Variants in THOP1 observed in about 807,000 individuals in gnomAD.
The protein encoded by THOP1 is thimet oligopeptidase 1.
Under a neutral mutation model 71.8 loss-of-function variants are expected in THOP1, and 49 were observed. The ratio of observed to expected loss-of-function variants is 0.68; its 90% CI spans 0.54 to 0.87. The LOEUF is 0.87. Ranked by LOEUF, THOP1 falls within the 40% of genes least tolerant of loss-of-function variation. The probability of loss-of-function intolerance (pLI) is 0.00; values close to 1 mark genes in which losing one functional copy is unlikely to be tolerated. For missense variants in THOP1, 843 were observed against 975.6 expected (o/e 0.86, Z 1.81); for synonymous variants, 426 against 421.5 (o/e 1.01, Z -0.13).
At chr19:2,806,748 C>A in intron 6 of THOP1, 169 bp from the exon 7 acceptor site, 3 of 1,170,732 alleles carry the variant, frequency 2.6e-6, no homozygotes, top group South Asian at 1.5e-5. Flanking sequence ...ATTATGATAA[C>A]GCTGGTGGCA....
Position 2,807,483 on chromosome 19 carries a change from C to T in THOP1, c.928C>T (p.Arg310Cys), listed in dbSNP as rs573052024. 5.0e-6 allele frequency: 8 copies of T among 1,608,732 alleles called. No homozygotes were observed. In the African/African-American group the frequency reaches 6.7e-5, roughly 13 times the overall value. ...QKLKPLGEQE[R>C]AVILELKRAE... ...GCTGAAGCCCCTGGGGGAGCAGGAG[C>T]GTGCGGTGATTCTGGAGCTGAAGCG... The change falls in exon 8 of 13, where the codon CGT (arginine) becomes TGT (cysteine). Residue 310 changes from arginine (R) to cysteine (C), a missense_variant. Physicochemically the swap from Arg to Cys is radical, Grantham distance 180. Transcript: ENST00000307741.
Position 2,813,467 on chromosome 19 carries a change from G to T in THOP1, c.*191G>T. 1.5e-6 allele frequency: 1 copy of T among 663,544 alleles called. No homozygotes were observed. Among genetic ancestry groups the T allele is most frequent in the Non-Finnish European group, 2.4e-6 (1 of 408,668 alleles). 41.1% of individuals were successfully genotyped at this position (663,544 alleles called of 1,614,324 possible). A position where few individuals can be genotyped will look rare whatever the true frequency, so the allele number is the denominator to read the frequency against. ...ACCCGGCTAGAGACGGCGTCCTCAA[G>T]GCATCTGGAGGGCTTTCGTGGCTGC... On this transcript the variant is annotated 3_prime_UTR_variant, in exon 13 of 13. Transcript: ENST00000307741.
rs1299592046 is a variant in THOP1, at chr19:2,785,721, C to T, written c.16+43C>T. ...CGCCGGACCCGGGCGTCCCCTGCAC[C>T]CTCGCTCCTCCCGGGGTCGCGACTT... is the stretch of plus-strand genomic sequence containing the variant. On this transcript the variant is annotated intron_variant, in intron 1 of 12. Transcript: ENST00000307741. The T allele has an allele frequency of 4.4e-6, 6 of 1,365,798 alleles. No homozygotes were observed. In the East Asian group the frequency reaches 8.7e-5, roughly 20 times the overall value. The allele number at this position is 1,365,798 out of a possible 1,614,324, so 84.6% of individuals were successfully genotyped here. A position where few individuals can be genotyped will look rare whatever the true frequency, so the allele number is the denominator to read the frequency against.
chr19:2,799,518 C>T (rs1239541638), intron 4 of THOP1, among the ~76,000 whole-genome samples, 171 bp from the exon 5 acceptor site: 1 of 152,214 alleles, frequency 6.6e-6, no homozygotes, highest in East Asian at 1.9e-4. Flanking sequence ...GCCTCCGTGT[C>T]TGTCTGTCCT....
chr19:2,811,118 G>A (rs1276763190), intron 11 of THOP1, among the ~76,000 whole-genome samples: 1 of 152,208 alleles, frequency 6.6e-6, no homozygotes, highest in Non-Finnish European at 1.5e-5. Flanking sequence ...ATGATGAGAA[G>A]TGGGCCCTGT....
chr19:2,799,217 TCAGGAGGCTAAGG>T (rs1916085810), intron 4 of THOP1, among the ~76,000 whole-genome samples: 1 of 152,122 alleles, frequency 6.6e-6, no homozygotes, highest in Admixed American at 6.6e-5. Flanking sequence ...TCCTAGCTAC[TCAGGAGGCTAAGG>T]CAGGAGGATC....
chr19:2,798,413 G>A (rs1164380218), intron 4 of THOP1, among the ~76,000 whole-genome samples: 3 of 152,124 alleles, frequency 2.0e-5, no homozygotes, highest in Non-Finnish European at 4.4e-5. Context: ...CTCCCACAAG[G>A]GCCAGCAAGC....
At position 2,785,586 on chromosome 19, in the gene THOP1, C is replaced by A. The variant is rs1412071867; in HGVS notation, c.-77C>A. Reference sequence around the variant, plus strand: ...GTGGCGGCGGTTGGGCCGAGGCAGGCGGCCTCAGTGGCCGAGGTGGCTGGA... The same window carrying A: ...GTGGCGGCGGTTGGGCCGAGGCAGGAGGCCTCAGTGGCCGAGGTGGCTGGA... On this transcript the variant is annotated 5_prime_UTR_variant, in exon 1 of 13. Coordinates refer to ENST00000307741, the MANE Select transcript of THOP1 (RefSeq NM_003249.5). The A allele has an allele frequency of 2.7e-6, 4 of 1,458,618 alleles. No homozygotes were observed. The highest frequency in any genetic ancestry group is 2.9e-5 in the African/African-American group (2 of 68,618). 90.4% of individuals were successfully genotyped at this position (1,458,618 alleles called of 1,614,324 possible).
intron 11 of THOP1, 94 bp downstream of exon 11, chr19:2,810,862 CAAGTGCAGGAG>C: frequency 6.7e-7 from 1 of 1,488,520 alleles, no homozygotes; most frequent in Non-Finnish European, 9.0e-7. Flanking sequence ...CTTCACTTAG[CAAGTGCAGGAG>C]TCCCTGCTGG....
In THOP1 at chr19:2,799,636, C is replaced by T. The variant is rs937936551; in HGVS notation, c.487-53C>T. 3.1e-5 allele frequency: 46 copies of T among 1,476,696 alleles called. No individual in the cohort carries two copies. The African/African-American group carries it at 3.9e-4, about 12-fold the overall frequency. 91.5% of individuals were successfully genotyped at this position (1,476,696 alleles called of 1,614,324 possible). On this transcript the variant is annotated intron_variant, in intron 4 of 12. Coordinates refer to ENST00000307741, the MANE Select transcript of THOP1 (RefSeq NM_003249.5). ...AGGGTTCCCAGGCGTTGCGTCTCCC[C>T]GCGGAGCCCGCCCCGGTCTCTCCCT...
chr19:2,807,860 G>A (rs1260203306), intron 8 of THOP1, 52 bp downstream of exon 8: 6 of 1,421,520 alleles, frequency 4.2e-6, no homozygotes, highest in South Asian at 1.5e-5. Flanking sequence ...GGGTCTCCTC[G>A]GAGCCCGGTG....
chr19:2,787,388 G>T (rs1359800514), intron 1 of THOP1, among the ~76,000 whole-genome samples: 4 of 152,124 alleles, frequency 2.6e-5, no homozygotes, highest in Admixed American at 2.6e-4. Flanking sequence ...TTTGCTACTG[G>T]ATCCTTGGCA....
At position 2,790,652 on chromosome 19, in the gene THOP1, C is replaced by T; in HGVS notation, c.229+19C>T. 6.6e-7 allele frequency: 1 copy of T among 1,520,558 alleles called. No homozygotes were observed. Among genetic ancestry groups the T allele is most frequent in the African/African-American group, 1.4e-5 (1 of 72,008 alleles). The allele number at this position is 1,520,558 out of a possible 1,614,324, so 94.2% of individuals were successfully genotyped here. A position where few individuals can be genotyped will look rare whatever the true frequency, so the allele number is the denominator to read the frequency against. ...TACACAGGTAAGTCCCAGGCAGGGT[C>T]TGTGCGTGGGCCGCAGGTGCCGAGG... On this transcript the variant is annotated intron_variant, in intron 2 of 12. Transcript: ENST00000307741.
chr19:2,808,579 C>A, intron 9 of THOP1, 135 bp downstream of exon 9: 1 of 1,021,234 alleles, frequency 9.8e-7, no homozygotes. Context: ...CCAATGCCAC[C>A]CAAAGATGGT....
At chr19:2,811,115 G>T (rs891784379) in intron 11 of THOP1, among the ~76,000 whole-genome samples, 1 of 152,248 alleles carries the variant, frequency 6.6e-6, no homozygotes, top group African/African-American at 2.4e-5. Flanking sequence ...CTAATGATGA[G>T]AAGTGGGCCC....
At chr19:2,802,393 T>C (rs990565950) in intron 5 of THOP1, among the ~76,000 whole-genome samples, 974 of 7,126 alleles carry the variant, frequency 0.14, no homozygotes, top group Admixed American at 0.15. Context: ...CTCCCAACAC[T>C]AACACCTCCT....
At position 2,805,087 on chromosome 19, in the gene THOP1, T is replaced by C. The variant is rs754162935; in HGVS notation, c.661T>C (p.Tyr221His). 3.7e-6 allele frequency: 6 copies of C among 1,612,806 alleles called. No homozygotes were observed. The South Asian group carries it at 6.6e-5, about 18-fold the overall frequency. ...EDGKLKVTLKYPHYFPLLKKC... is the reference protein window; with the variant it reads ...EDGKLKVTLKHPHYFPLLKKC... ...CGGCAAGTTGAAGGTCACCCTCAAG[T>C]ACCCCCATTACTTCCCCCTCCTGAA... The change falls in exon 6 of 13, where the codon TAC becomes CAC. Residue 221 changes from tyrosine (Y) to histidine (H), a missense_variant. Transcript: ENST00000307741. This position sits in a 1 kb window ranked among gnomAD's most constrained non-coding sequence, Gnocchi z 6.6.
chr19:2,807,898 T>G, intron 8 of THOP1, 90 bp downstream of exon 8: 1 of 1,363,408 alleles, frequency 7.3e-7, no homozygotes, highest in Non-Finnish European at 9.6e-7. Flanking sequence ...AAGGAAGTCG[T>G]TGCCTGCTCC....
intron 4 of THOP1, 56 bp from the exon 5 acceptor site, chr19:2,799,633 C>T (rs1916097901): frequency 6.9e-7 from 1 of 1,439,336 alleles, no homozygotes; most frequent in Non-Finnish European, 9.7e-7. Flanking sequence ...CGTTGCGTCT[C>T]CCCGCGGAGC....
Sources: allele counts gnomAD v4.1 joint callset (sites outside exome capture counted in the v4.1 genomes callset), GRCh38; gene constraint gnomAD v4.1.1; non-coding constraint Gnocchi (gnomAD v3.1); transcripts MANE v1.5; gene names NCBI Gene and HGNC (gene_info 2026-07-23, HGNC 2026-07-21).